Variants in VPS54 observed in about 807,000 individuals in gnomAD.
VPS54 encodes the protein VPS54 subunit of GARP complex, also known as vacuolar protein sorting-associated protein 54.
In VPS54, 45 loss-of-function variants were observed where a neutral mutation model predicts 121.5. The ratio of observed to expected loss-of-function variants is 0.37; its 90% CI spans 0.29 to 0.47. The LOEUF is 0.47. Ranked by LOEUF, VPS54 falls within the 20% of genes least tolerant of loss-of-function variation. The pLI is 0.99. For synonymous variants in VPS54, 371 were observed against 385.8 expected (o/e 0.96, Z 0.45); for missense variants, 1,090 against 1,131.4 (o/e 0.96, Z 0.52).
At chr2:63,988,173 A>G (rs538424526) in intron 1 of VPS54, among the ~76,000 whole-genome samples, 43 of 152,230 alleles carry the variant, frequency 2.8e-4, no homozygotes, top group African/African-American at 9.6e-4. Flanking sequence ...CATGGCTTTT[A>G]CTGTTTTGAG....
At chr2:63,949,661 C>T (rs116728282) in intron 7 of VPS54, among the ~76,000 whole-genome samples, 14,216 of 144,578 alleles carry the variant, frequency 0.098, 744 homozygotes, top group Middle Eastern at 0.14. Context: ...ATTGAGTAGG[C>T]TGAGGAGGAG....
At chr2:63,898,121 T>C (rs1672521216) in intron 21 of VPS54, among the ~76,000 whole-genome samples, 1 of 152,254 alleles carries the variant, frequency 6.6e-6, no homozygotes, top group African/African-American at 2.4e-5. Context: ...TTTTGTGGAA[T>C]TACTAGTATT....
At chr2:63,985,348 G>A (rs1676998968) in intron 1 of VPS54, among the ~76,000 whole-genome samples, 1 of 151,924 alleles carries the variant, frequency 6.6e-6, no homozygotes, top group South Asian at 2.1e-4. Flanking sequence ...AAAAAATAAG[G>A]AGCAGAGATA....
At position 64,017,074 on chromosome 2, in the gene VPS54, G is replaced by C. The variant is rs536870418; in HGVS notation, c.-21+1864C>G. Among the ~76,000 whole-genome samples the C allele has an allele frequency of 4.7e-5, 7 of 147,442 alleles. 1 individual carries two copies. The highest frequency in any genetic ancestry group is 1.8e-4 in the African/African-American group (7 of 39,272). On this transcript the variant is annotated intron_variant, in intron 1 of 22. Transcript: ENST00000272322. ...GTGATGGGCCGGGGCCGGGGCGGTGGCTCACACCTCTAATCCCAGCACTCT... is the reference window on the plus strand; with the variant it reads ...GTGATGGGCCGGGGCCGGGGCGGTGCCTCACACCTCTAATCCCAGCACTCT...
At chr2:63,992,351 TTA>T (rs1214229609) in intron 1 of VPS54, among the ~76,000 whole-genome samples, 6 of 152,334 alleles carry the variant, frequency 3.9e-5, no homozygotes, top group African/African-American at 1.2e-4. Flanking sequence ...CACCTAACTC[TTA>T]TAGTACTCCC....
At chr2:63,914,403 C>A (rs1384794274) in intron 16 of VPS54, 116 bp from the exon 17 acceptor site, 1 of 700,920 alleles carries the variant, frequency 1.4e-6, no homozygotes, top group African/African-American at 1.8e-5. Flanking sequence ...ATATAATGAC[C>A]TTGGTAACTA....
At chr2:63,900,560 A>G (rs928582895) in intron 20 of VPS54, among the ~76,000 whole-genome samples, 11 of 152,168 alleles carry the variant, frequency 7.2e-5, no homozygotes, top group African/African-American at 2.7e-4. Flanking sequence ...CTTTGGGGAG[A>G]TAACTGTCTA....
At chr2:64,013,012 T>C (rs1678499399) in intron 1 of VPS54, among the ~76,000 whole-genome samples, 1 of 152,206 alleles carries the variant, frequency 6.6e-6, no homozygotes, top group African/African-American at 2.4e-5. Flanking sequence ...TCCAACATAA[T>C]GACTGATTCA....
chr2:63,999,549 T>G (rs546661513), intron 1 of VPS54, among the ~76,000 whole-genome samples: 6 of 152,166 alleles, frequency 3.9e-5, no homozygotes, highest in African/African-American at 7.2e-5. Flanking sequence ...AATTTTATTA[T>G]TAAATGTCTC....
At chr2:63,913,774 T>C in intron 17 of VPS54, 3 of 900,460 alleles carry the variant, frequency 3.3e-6, no homozygotes, top group South Asian at 4.6e-5. Flanking sequence ...TCATCACATT[T>C]TCATTTTATA....
At chr2:64,004,365 CATT>C (rs1475855047) in intron 1 of VPS54, among the ~76,000 whole-genome samples, 1 of 152,180 alleles carries the variant, frequency 6.6e-6, no homozygotes, top group African/African-American at 2.4e-5. Flanking sequence ...TTGTTAAAAA[CATT>C]ATATTCTCAT....
chr2:63,981,887 C>A lies in VPS54; in HGVS notation c.137G>T (p.Gly46Val). 2 of 1,605,104 alleles carry A rather than the reference C, an allele frequency of 1.2e-6. No individual in the cohort carries two copies. Among genetic ancestry groups the A allele is most frequent in the Non-Finnish European group, 1.7e-6 (2 of 1,175,958 alleles). Residue 46 changes from glycine to valine, a missense_variant and splice_region_variant, in exon 3 of 23, where the codon GGT becomes GTT. Coordinates refer to ENST00000272322, the MANE Select transcript of VPS54 (RefSeq NM_016516.3). ...GGCAACATATAAACTATGTGAATCACCTGCAAAAAGTAAACAAGAGAACTC... is the reference window on the plus strand; with the variant it reads ...GGCAACATATAAACTATGTGAATCAACTGCAAAAAGTAAACAAGAGAACTC... The part of the protein sequence containing the change: ...LPDVCPKEPT[G>V]DSHSLYVAPS...
At chr2:63,949,890 AAAG>A (rs1675159364) in intron 7 of VPS54, among the ~76,000 whole-genome samples, 1 of 152,236 alleles carries the variant, frequency 6.6e-6, no homozygotes, top group African/African-American at 2.4e-5. Flanking sequence ...CCATGTCATA[AAAG>A]AAGTCAAAGG....
chr2:64,009,408 C>T lies in VPS54; in HGVS notation c.-21+9530G>A, dbSNP rs557818359. On this transcript the variant is annotated intron_variant, in intron 1 of 22. Transcript: ENST00000272322. Reference sequence around the variant, plus strand: ...TCAGTTCATAACAACCTCCGCCTCCCGGGTTCAAGCGATTCTCCTGCCTCA... The same window carrying T: ...TCAGTTCATAACAACCTCCGCCTCCTGGGTTCAAGCGATTCTCCTGCCTCA... Among the ~76,000 whole-genome samples, 26 of 152,068 alleles carry T rather than the reference C, an allele frequency of 1.7e-4. No homozygotes were observed. In the South Asian group the frequency reaches 5.0e-3, roughly 29 times the overall value.
At chr2:63,970,552 T>A (rs887330280) in intron 4 of VPS54, among the ~76,000 whole-genome samples, 7 of 152,124 alleles carry the variant, frequency 4.6e-5, no homozygotes, top group African/African-American at 1.7e-4. Flanking sequence ...TTTCTGGAAC[T>A]GCCATAAATG....
At chr2:63,958,705 G>GA (rs1395152140) in intron 7 of VPS54, among the ~76,000 whole-genome samples, 1 of 152,120 alleles carries the variant, frequency 6.6e-6, no homozygotes, top group Non-Finnish European at 1.5e-5. Context: ...GACAGGGCAA[G>GA]ACTGCATATA....
At position 63,991,836 on chromosome 2, in the gene VPS54, C is replaced by T. The variant is rs531223611; in HGVS notation, c.-20-7817G>A. ...CCCCCACCACAAACAAATTTACCTA[C>T]AGTCAACCCAGATGGGTCCCAGCCT... is the stretch of plus-strand genomic sequence containing the variant. On this transcript the variant is annotated intron_variant, in intron 1 of 22. Transcript: ENST00000272322. 1.1e-4 allele frequency among the ~76,000 whole-genome samples: 17 copies of T among 152,326 alleles called. No homozygotes were observed. In the East Asian group the frequency reaches 2.3e-3, roughly 21 times the overall value.
At chr2:63,895,047 CAA>C (rs1672387465) in intron 22 of VPS54, among the ~76,000 whole-genome samples, 1 of 151,686 alleles carries the variant, frequency 6.6e-6, no homozygotes, top group African/African-American at 2.4e-5. Flanking sequence ...ATATTTTTTT[CAA>C]GAGAAAATGA....
At chr2:63,981,004 AAG>A (rs1676778917) in intron 3 of VPS54, among the ~76,000 whole-genome samples, 2 of 152,244 alleles carry the variant, frequency 1.3e-5, no homozygotes, top group East Asian at 3.9e-4. Flanking sequence ...AGTGCAAAGT[AAG>A]TAAAATAAAA....
Sources: allele counts gnomAD v4.1 joint callset (sites outside exome capture counted in the v4.1 genomes callset), GRCh38; gene constraint gnomAD v4.1.1; transcripts MANE v1.5; gene names NCBI Gene and HGNC (gene_info 2026-07-23, HGNC 2026-07-21).